Variants in TCF20 observed in about 807,000 individuals in gnomAD.
TCF20 encodes the protein SPRE-binding protein.
TCF20 carries 3 observed loss-of-function variants against 148.6 expected under a neutral mutation model. The observed-to-expected ratio is 0.02, with a 90% confidence interval of 0.01 to 0.05. The LOEUF (loss-of-function observed/expected upper bound fraction) is 0.05. Among genes scored for constraint, TCF20 ranks in the 10% least tolerant of loss-of-function variants. TCF20 has a pLI of 1.00. For synonymous variants in TCF20, 1,049 were observed against 909.5 expected (o/e 1.15, Z -2.76); for missense variants, 2,350 against 2,429.3 (o/e 0.97, Z 0.69).
At chr22:42,228,885 C>T (rs559359968) in intron 1 of TCF20, among the ~76,000 whole-genome samples, 145 of 152,176 alleles carry the variant, frequency 9.5e-4, no homozygotes, top group African/African-American at 3.4e-3. Flanking sequence ...TGAAATAGAG[C>T]AGAATGGAAA....
chr22:42,323,860 A>ATGG (rs750556854), intron 1 of TCF20, among the ~76,000 whole-genome samples: 1,787 of 71,268 alleles, frequency 0.025, 139 homozygotes, highest in Non-Finnish European at 0.035. Context: ...GATGGAGGTT[A>ATGG]TGGTGGTGGT....
At chr22:42,304,530 G>A (rs925602724) in intron 1 of TCF20, among the ~76,000 whole-genome samples, 1 of 152,198 alleles carries the variant, frequency 6.6e-6, no homozygotes, top group African/African-American at 2.4e-5. Flanking sequence ...TGCATGCTGC[G>A]TCCGTGCACT....
intron 1 of TCF20, among the ~76,000 whole-genome samples, chr22:42,261,424 A>G (rs906303904): frequency 6.6e-6 from 1 of 152,180 alleles, no homozygotes; most frequent in Non-Finnish European, 1.5e-5. Flanking sequence ...TGGTTGCATC[A>G]TTTTATACTC....
chr22:42,241,649 A>G (rs1029681005), intron 1 of TCF20, among the ~76,000 whole-genome samples: 1 of 152,174 alleles, frequency 6.6e-6, no homozygotes, highest in Non-Finnish European at 1.5e-5. Context: ...CATCATGGTG[A>G]AACTCCATCT....
At chr22:42,216,079 CTTTT>C (rs759118027) in intron 1 of TCF20, among the ~76,000 whole-genome samples, 188 of 50,536 alleles carry the variant, frequency 3.7e-3, no homozygotes, top group Middle Eastern at 0.019. Flanking sequence ...AAACCAAATC[CTTTT>C]TTTTTTTTTT....
chr22:42,300,158 G>A (rs150133038), intron 1 of TCF20, among the ~76,000 whole-genome samples: 34 of 152,206 alleles, frequency 2.2e-4, no homozygotes, highest in African/African-American at 7.5e-4. Flanking sequence ...AGGGGAATGC[G>A]GTTTTATCTC....
chr22:42,251,229 GCT>G (rs1925339339), intron 1 of TCF20, among the ~76,000 whole-genome samples: 1 of 152,120 alleles, frequency 6.6e-6, no homozygotes, highest in South Asian at 2.1e-4. Flanking sequence ...ACAAAGTCTT[GCT>G]CTGTTGCCCA....
chr22:42,259,813 G>C (rs922923165), intron 1 of TCF20, among the ~76,000 whole-genome samples: 1 of 152,136 alleles, frequency 6.6e-6, no homozygotes, highest in African/African-American at 2.4e-5. Context: ...GCTTAACCCT[G>C]AGAGGAAAAG....
chr22:42,317,327 G>A lies in TCF20; in HGVS notation c.-37+26152C>T, dbSNP rs2147046716. Among the ~76,000 whole-genome samples the A allele has an allele frequency of 6.6e-6, 1 of 152,336 alleles. No individual in the cohort carries two copies. ...AGGTGGCAATATTTCACCTCGCCCAGAAATTTACTGCAAGTTCTCAAGTCT... is the reference window on the plus strand; with the variant it reads ...AGGTGGCAATATTTCACCTCGCCCAAAAATTTACTGCAAGTTCTCAAGTCT... On this transcript the variant is annotated intron_variant, in intron 1 of 1. Transcript: ENST00000515426. The surrounding 1 kb of genome is among the most constrained non-coding windows in gnomAD (Gnocchi z 4.2).
At chr22:42,204,916 G>C (rs1467128371) in intron 2 of TCF20, among the ~76,000 whole-genome samples, 1 of 151,194 alleles carries the variant, frequency 6.6e-6, no homozygotes, top group Non-Finnish European at 1.5e-5. Context: ...AAAAAAAAAA[G>C]ATTAAAAGTT....
intron 1 of TCF20, among the ~76,000 whole-genome samples, chr22:42,323,933 T>TGGA (rs1927796705): frequency 2.4e-5 from 3 of 123,952 alleles, no homozygotes; most frequent in Non-Finnish European, 3.6e-5. Flanking sequence ...GTTATGGTGG[T>TGGA]GGTGGTGGTG....
chr22:42,293,112 C>CT (rs918206698), intron 1 of TCF20, among the ~76,000 whole-genome samples: 1 of 152,054 alleles, frequency 6.6e-6, no homozygotes, highest in African/African-American at 2.4e-5. Context: ...AGTGTCCTTC[C>CT]TTGGCACCTT....
chr22:42,261,067 AGTTC>A (rs1926003260), intron 1 of TCF20, among the ~76,000 whole-genome samples: 2 of 152,208 alleles, frequency 1.3e-5, no homozygotes, highest in Admixed American at 1.3e-4. Flanking sequence ...TACATAAATA[AGTTC>A]TGCCCATTCT....
At chr22:42,263,200 C>T (rs1413142327) in intron 1 of TCF20, among the ~76,000 whole-genome samples, 1 of 152,214 alleles carries the variant, frequency 6.6e-6, no homozygotes, top group Non-Finnish European at 1.5e-5. Context: ...CTCCTTCACA[C>T]GCTCTGCTGC....
chr22:42,274,410 G>C (rs1926724882), upstream of TCF20: 1 of 152,362 alleles, frequency 6.6e-6, no homozygotes, highest in South Asian at 2.1e-4. Context: ...GAGGGAGCAT[G>C]GGGGCTCAGA....
At chr22:42,294,281 C>T (rs1007210021) in intron 1 of TCF20, among the ~76,000 whole-genome samples, 2 of 152,248 alleles carry the variant, frequency 1.3e-5, no homozygotes, top group Non-Finnish European at 1.5e-5. Context: ...CCAATCTCAG[C>T]CCGCGACCCC....
At chr22:42,242,224 A>AAAAAAC (rs1555942548) in intron 1 of TCF20, among the ~76,000 whole-genome samples, 59 of 147,674 alleles carry the variant, frequency 4.0e-4, no homozygotes, top group African/African-American at 1.5e-3. Context: ...AAAAAAAAAA[A>AAAAAAC]AAACAGAAAA....
At chr22:42,179,067 A>G (rs913632944) in intron 3 of TCF20, among the ~76,000 whole-genome samples, 1 of 151,726 alleles carries the variant, frequency 6.6e-6, no homozygotes, top group East Asian at 1.9e-4. Context: ...AACACATATG[A>G]CAGCAAGTGT....
chr22:42,331,092 C>T (rs865979367), intron 1 of TCF20, among the ~76,000 whole-genome samples: 1 of 152,228 alleles, frequency 6.6e-6, no homozygotes, highest in South Asian at 2.1e-4. Flanking sequence ...CTGGCAGCAG[C>T]ACAGCTACGA....
Sources: allele counts gnomAD v4.1 joint callset (sites outside exome capture counted in the v4.1 genomes callset), GRCh38; gene constraint gnomAD v4.1.1; non-coding constraint Gnocchi (gnomAD v3.1); transcripts MANE v1.5; gene names NCBI Gene and HGNC (gene_info 2026-07-23, HGNC 2026-07-21).